Variants in SHH observed in about 807,000 individuals in gnomAD.
The protein encoded by SHH is sonic hedgehog signaling molecule.
In SHH, 3 loss-of-function variants were observed where a neutral mutation model predicts 16.6. The observed-to-expected ratio is 0.18, with a 90% CI of 0.08 to 0.47. The LOEUF is 0.47. SHH is among the 20% of genes least tolerant of loss of function. The pLI is 0.98. For missense variants in SHH, 499 were observed against 665.0 expected (o/e 0.75, Z 2.75); for synonymous variants, 351 against 316.2 (o/e 1.11, Z -1.17).
Position 155,803,349 on chromosome 7 carries a change from G to T in SHH, c.940C>A (p.Arg314Ser), listed in dbSNP as rs1455460727. ...TCACGCTCGGCCACCACGTACACGC[G>T]CTGGCCCGGGCGCACGCGGCTGGCG... Reference protein sequence around the residue: ...LFASRVRPGQRVYVVAERDGD... With the variant: ...LFASRVRPGQSVYVVAERDGD... The change falls in exon 3 of 3, where the codon CGC (arginine) becomes AGC (serine). Residue 314 changes from arginine (R) to serine (S), a missense_variant. Around this residue, in one of 4 missense-constraint regions of SHH, gnomAD observed 299 missense variants for 301.1 expected, o/e 0.99. Transcript: ENST00000297261. 4 of 1,457,186 alleles carry T rather than the reference G, an allele frequency of 2.7e-6. No homozygotes were observed. The highest frequency in any genetic ancestry group is 5.5e-5 in the Admixed American group (2 of 36,414). The allele number at this position is 1,457,186 out of a possible 1,614,324, so 90.3% of individuals were successfully genotyped here.
chr7:155,803,347 G>A lies in SHH; in HGVS notation c.942C>T (p.Arg314=). Residue 314 remains arginine (R), a synonymous_variant, in exon 3 of 3, where the codon CGC becomes CGT. Coordinates refer to ENST00000297261, the MANE Select transcript of SHH (RefSeq NM_000193.4). ...LFASRVRPGQ[R]VYVVAERDGD... ...CGTCACGCTCGGCCACCACGTACACGCGCTGGCCCGGGCGCACGCGGCTGG... is the reference window on the plus strand; with the variant it reads ...CGTCACGCTCGGCCACCACGTACACACGCTGGCCCGGGCGCACGCGGCTGG... 6.8e-7 allele frequency: 1 copy of A among 1,463,624 alleles called. No individual in the cohort carries two copies. The highest frequency in any genetic ancestry group is 1.5e-5 in the African/African-American group (1 of 67,440). The allele number at this position is 1,463,624 out of a possible 1,614,324, so 90.7% of individuals were successfully genotyped here.
At position 155,802,708 on chromosome 7, in the gene SHH, C is replaced by G. The variant is rs959706602; in HGVS notation, c.*192G>C. ...AAAAAATTCAAAAAATATATATCAA[C>G]TAAGCACAACAACAAAACTTCCCGG... On this transcript the variant is annotated 3_prime_UTR_variant, in exon 3 of 3. Coordinates refer to ENST00000297261, the MANE Select transcript of SHH (RefSeq NM_000193.4). The G allele has an allele frequency of 2.7e-5, 11 of 406,616 alleles. No individual in the cohort carries two copies. Among genetic ancestry groups the G allele is most frequent in the Non-Finnish European group, 3.8e-5 (9 of 234,172 alleles). The allele number at this position is 406,616 out of a possible 1,614,324, so 25.2% of individuals were successfully genotyped here. A position where few individuals can be genotyped will look rare whatever the true frequency, so the allele number is the denominator to read the frequency against.
At chr7:155,806,691 T>A in intron 1 of SHH, 134 bp from the exon 2 acceptor site, 3 of 1,122,550 alleles carry the variant, frequency 2.7e-6, no homozygotes, top group Non-Finnish European at 4.0e-6. Flanking sequence ...GAGACGGGGG[T>A]TGGAATGGCC....
rs1803542193 is a variant in SHH at position 155,812,368 on chromosome 7, C to T, written c.-246G>A. 1.4e-5 allele frequency: 8 copies of T among 583,714 alleles called. No homozygotes were observed. In the East Asian group the frequency reaches 2.0e-4, roughly 15 times the overall value. The allele number at this position is 583,714 out of a possible 1,614,324, so 36.2% of individuals were successfully genotyped here. On this transcript the variant is annotated 5_prime_UTR_variant, in exon 1 of 3. Transcript: ENST00000297261. The stretch of plus-strand genomic sequence containing the variant: ...GGGGCTGGAATGGCAGGCTGCCGGC[C>T]GCTGATAACGGAACACATCGGAGTT...
chr7:155,805,242 G>T (rs2237286), intron 2 of SHH, among the ~76,000 whole-genome samples: 14,414 of 152,058 alleles, frequency 0.095, 762 homozygotes, highest in African/African-American at 0.1. Context: ...CGCCGAGCCC[G>T]CGAGGTGGGG....
In SHH at chr7:155,805,156, C is replaced by T. The variant is rs11576052; in HGVS notation, c.562+1140G>A. Among the ~76,000 whole-genome samples the T allele has an allele frequency of 3.9e-3, 596 of 151,364 alleles. 2 individuals are homozygous for T. The highest frequency in any genetic ancestry group is 7.0e-3 in the Non-Finnish European group (477 of 67,740). ...ACTTGGGAGGAGGCCTCCGGAGACC[C>T]CCGCTAGGGGGACCCCGCGGGCAGG... On this transcript the variant is annotated intron_variant, in intron 2 of 2. Transcript: ENST00000297261.
rs1458033863 is a variant in SHH at position 155,802,935 on chromosome 7, G to A, written c.1354C>T (p.Leu452=). 1 of 1,476,040 alleles carries A rather than the reference G, an allele frequency of 6.8e-7. No individual in the cohort carries two copies. Among genetic ancestry groups the A allele is most frequent in the Non-Finnish European group, 9.1e-7 (1 of 1,102,884 alleles). 91.4% of individuals were successfully genotyped at this position (1,476,040 alleles called of 1,614,324 possible). ...IGTWLLDSEA[L]HPLGMAVKSS is the part of the protein sequence containing the mutation. ...TTGACCGCCATGCCCAGCGGGTGCA[G>A]GGCCTCGCTGTCCAGGAGCCAGGTG... The change falls in exon 3 of 3, where the codon CTG becomes TTG. Residue 452 remains leucine, a synonymous_variant. Transcript: ENST00000297261.
In SHH at chr7:155,803,416, C is replaced by T; in HGVS notation, c.873G>A (p.Ser291=). Residue 291 remains serine (S), a synonymous_variant, in exon 3 of 3, where the codon TCG becomes TCA. Coordinates refer to ENST00000297261, the MANE Select transcript of SHH (RefSeq NM_000193.4). ...ATGEPEASSG[S]GPPSGGALGP... Reference sequence around the variant, plus strand: ...CCAGTGCGCCCCCGGAAGGCGGCCCCGAGCCCGAGGACGCCTCGGGCTCCC... The same window carrying T: ...CCAGTGCGCCCCCGGAAGGCGGCCCTGAGCCCGAGGACGCCTCGGGCTCCC... 1.3e-6 allele frequency: 2 copies of T among 1,526,618 alleles called. No individual in the cohort carries two copies. Among genetic ancestry groups the T allele is most frequent in the Non-Finnish European group, 1.8e-6 (2 of 1,142,750 alleles). 94.6% of individuals were successfully genotyped at this position (1,526,618 alleles called of 1,614,324 possible). A position where few individuals can be genotyped will look rare whatever the true frequency, so the allele number is the denominator to read the frequency against.
rs1315471774 is a variant in SHH, at chr7:155,809,408, C to A, written c.300+2415G>T. On this transcript the variant is annotated intron_variant, in intron 1 of 2. Transcript: ENST00000297261. This position sits in a 1 kb window ranked among gnomAD's most constrained non-coding sequence, Gnocchi z 6.1. ...CAAACCTCCCGCCGGCCTGGGGCTC[C>A]CCTGCCGCCTCCTGCACCCCGCCCC... Among the ~76,000 whole-genome samples the A allele has an allele frequency of 6.6e-6, 1 of 152,100 alleles. No homozygotes were observed. The highest frequency in any genetic ancestry group is 1.5e-5 in the Non-Finnish European group (1 of 68,026).
intron 1 of SHH, 82 bp from the exon 2 acceptor site, chr7:155,806,639 C>G (rs1156430324): frequency 6.4e-7 from 1 of 1,569,458 alleles, no homozygotes. Context: ...ATCAGCCTGC[C>G]CTGCCCAGTC....
chr7:155,809,994 G>T lies in SHH; in HGVS notation c.300+1829C>A, dbSNP rs1223639452. 1.3e-5 allele frequency among the ~76,000 whole-genome samples: 2 copies of T among 151,926 alleles called. No homozygotes were observed. The highest frequency in any genetic ancestry group is 6.6e-5 in the Admixed American group (1 of 15,262). ...GCGCCCCCATCTCCGCGCCCCCGCC[G>T]CCGGGGACACTACAGCGAGCCCGGC... On this transcript the variant is annotated intron_variant, in intron 1 of 2. Transcript: ENST00000297261. The surrounding 1 kb of genome is among the most constrained non-coding windows in gnomAD (Gnocchi z 6.1).
At position 155,806,491 on chromosome 7, in the gene SHH, G is replaced by A; in HGVS notation, c.367C>T (p.Arg123Trp). 1 of 1,613,372 alleles carries A rather than the reference G, an allele frequency of 6.2e-7. No individual in the cohort carries two copies. Among genetic ancestry groups the A allele is most frequent in the Non-Finnish European group, 8.5e-7 (1 of 1,180,002 alleles). ...TCTTCGTCCCAGCCCTCGGTCACCC[G>A]CAGTTTCACTCCTGGCCACTGGTTC... The part of the protein sequence containing the change: ...VMNQWPGVKL[R>W]VTEGWDEDGH... Residue 123 changes from arginine to tryptophan, a missense_variant, in exon 2 of 3, where the codon CGG (arginine) becomes TGG (tryptophan). Around this residue, in one of 4 missense-constraint regions of SHH, gnomAD observed 11 missense variants for 48.5 expected, o/e 0.23. Coordinates refer to ENST00000297261, the MANE Select transcript of SHH (RefSeq NM_000193.4).
chr7:155,800,055 C>T lies in SHH; in HGVS notation c.*2845G>A, dbSNP rs186627035. On this transcript the variant is annotated 3_prime_UTR_variant, in exon 3 of 3. Coordinates refer to ENST00000297261, the MANE Select transcript of SHH (RefSeq NM_000193.4). ...ACAGTTTCAAGTACATTGTGATACA[C>T]GTTTTGACAGGAATAGATATGCATT... is the stretch of plus-strand genomic sequence containing the variant. The T allele has an allele frequency of 3.8e-5, 18 of 471,616 alleles. No individual in the cohort carries two copies. Among genetic ancestry groups the T allele is most frequent in the Admixed American group, 3.8e-4 (16 of 42,602 alleles). The allele number at this position is 471,616 out of a possible 1,614,324, so 29.2% of individuals were successfully genotyped here.
rs946402162 is a variant in SHH at position 155,807,755 on chromosome 7, A to C, written c.301-1198T>G. ...TAAAGAGGGGGAACTGGCACAGATG[A>C]CGATGGTGGCATCCCCCAAGAAGCT... is the stretch of plus-strand genomic sequence containing the variant. On this transcript the variant is annotated intron_variant, in intron 1 of 2. Transcript: ENST00000297261. This position sits in a 1 kb window ranked among gnomAD's most constrained non-coding sequence, Gnocchi z 7.1. Among the ~76,000 whole-genome samples the C allele has an allele frequency of 6.6e-6, 1 of 152,156 alleles. No individual in the cohort carries two copies.
intron 2 of SHH, among the ~76,000 whole-genome samples, chr7:155,804,342 C>A: frequency 6.6e-6 from 1 of 152,152 alleles, no homozygotes; most frequent in South Asian, 2.1e-4. Context: ...AGCAACTGGA[C>A]AAACATTCCA....
In SHH at chr7:155,809,557, A is replaced by T. The variant is rs1375186761; in HGVS notation, c.300+2266T>A. Among the ~76,000 whole-genome samples, 2 of 150,426 alleles carry T rather than the reference A, an allele frequency of 1.3e-5. No individual in the cohort carries two copies. Among genetic ancestry groups the T allele is most frequent in the Non-Finnish European group, 3.0e-5 (2 of 67,674 alleles). ...GATACCTCACAGACTGCCAGCCCCTACCCCCCTCGGTTTTAGGGGACCTTT... is the reference window on the plus strand; with the variant it reads ...GATACCTCACAGACTGCCAGCCCCTTCCCCCCTCGGTTTTAGGGGACCTTT... On this transcript the variant is annotated intron_variant, in intron 1 of 2. Transcript: ENST00000297261. The surrounding 1 kb of genome is among the most constrained non-coding windows in gnomAD (Gnocchi z 6.1).
In SHH at chr7:155,803,207, G is replaced by T; in HGVS notation, c.1082C>A (p.Ala361Asp). 1 of 1,505,754 alleles carries T rather than the reference G, an allele frequency of 6.6e-7. No homozygotes were observed. The highest frequency in any genetic ancestry group is 8.8e-7 in the Non-Finnish European group (1 of 1,132,556). 93.3% of individuals were successfully genotyped at this position (1,505,754 alleles called of 1,614,324 possible). ...QGTILINRVLASCYAVIEEHS... is the reference protein window; with the variant it reads ...QGTILINRVLDSCYAVIEEHS... ...CTCCTCGATGACCGCGTAGCACGAG[G>T]CCAGCACCCGGTTGATGAGAATGGT... Residue 361 changes from alanine to aspartate, a missense_variant, in exon 3 of 3, where the codon GCC (alanine) becomes GAC (aspartate). Ala to Asp is a moderately radical substitution (Grantham distance 126, BLOSUM62 -2). Coordinates refer to ENST00000297261, the MANE Select transcript of SHH (RefSeq NM_000193.4).
At position 155,809,932 on chromosome 7, in the gene SHH, C is replaced by T. The variant is rs1803466726; in HGVS notation, c.300+1891G>A. Among the ~76,000 whole-genome samples, 1 of 151,576 alleles carries T rather than the reference C, an allele frequency of 6.6e-6. No individual in the cohort carries two copies. Among genetic ancestry groups the T allele is most frequent in the African/African-American group, 2.4e-5 (1 of 41,372 alleles). On this transcript the variant is annotated intron_variant, in intron 1 of 2. Transcript: ENST00000297261. The surrounding 1 kb of genome is among the most constrained non-coding windows in gnomAD (Gnocchi z 6.1). ...GGATGGGGGCGCGTCCCAGGGCAGG[C>T]CGGCGGAGCCCGCGATGCGCCCCGG...
rs751239867 is a variant in SHH at position 155,803,111 on chromosome 7, G to A, written c.1178C>T (p.Ala393Val). Residue 393 changes from alanine to valine, a missense_variant, in exon 3 of 3, where the codon GCG becomes GTG. This residue lies in a region of SHH where 299 missense variants were observed against 301.1 expected (regional missense o/e 0.99). Coordinates refer to ENST00000297261, the MANE Select transcript of SHH (RefSeq NM_000193.4). Reference protein sequence around the residue: ...AHALLAALAPARTDRGGDSGG... With the variant: ...AHALLAALAPVRTDRGGDSGG... ...GCTGTCCCCGCCGCGGTCCGTGCGC[G>A]CGGGCGCCAGTGCAGCCAGGAGCGC... 8 of 1,348,628 alleles carry A rather than the reference G, an allele frequency of 5.9e-6. No individual in the cohort carries two copies. The African/African-American group carries it at 7.6e-5, about 13-fold the overall frequency. The allele number at this position is 1,348,628 out of a possible 1,614,324, so 83.5% of individuals were successfully genotyped here.
Sources: allele counts gnomAD v4.1 joint callset (sites outside exome capture counted in the v4.1 genomes callset), GRCh38; gene constraint gnomAD v4.1.1; regional missense constraint gnomAD v4.1.1; non-coding constraint Gnocchi (gnomAD v3.1); transcripts MANE v1.5; gene names NCBI Gene and HGNC (gene_info 2026-07-23, HGNC 2026-07-21).